Variants in ZRANB3 observed in about 807,000 individuals in gnomAD.
ZRANB3 encodes DNA annealing helicase and endonuclease ZRANB3.
Under a neutral mutation model 133.8 loss-of-function variants are expected in ZRANB3, and 125 were observed. The observed-to-expected ratio is 0.93, with a 90% confidence interval of 0.81 to 1.08. The LOEUF is 1.08. Ranked by LOEUF, ZRANB3 falls within the 50% of genes least tolerant of loss-of-function variation. The pLI, the probability that ZRANB3 is intolerant of heterozygous loss-of-function variation, is 0.00. For missense variants in ZRANB3, 1,229 were observed against 1,275.5 expected, an observed-to-expected ratio of 0.96 and a Z score of 0.56; for synonymous variants, 387 against 432.7, an observed-to-expected ratio of 0.89 and a Z score of 1.31.
chr2:135,461,793 TGA>T lies in ZRANB3; in HGVS notation c.161+42534_161+42535del, dbSNP rs531851265. Among the ~76,000 whole-genome samples, 45 of 152,326 alleles carry T rather than the reference TGA, an allele frequency of 3.0e-4. 1 individual carries two copies. Among genetic ancestry groups the T allele is most frequent in the African/African-American group, 1.1e-3 (45 of 41,570 alleles). On this transcript the variant is annotated intron_variant, in intron 2 of 20. Transcript: ENST00000264159. ...CAAATATAGGTTCTGCCACTTTGTC[TGA>T]GAAACCTTAAATTCATTGAATCTAG...
At chr2:135,291,153 C>T (rs548551721) in intron 8 of ZRANB3, among the ~76,000 whole-genome samples, 2 of 151,926 alleles carry the variant, frequency 1.3e-5, no homozygotes, top group South Asian at 2.1e-4. Context: ...TGAGCCACTG[C>T]GCCTGGCCCG....
intron 2 of ZRANB3, among the ~76,000 whole-genome samples, chr2:135,406,111 T>A (rs950043366): frequency 6.6e-6 from 1 of 151,924 alleles, no homozygotes; most frequent in Non-Finnish European, 1.5e-5. Flanking sequence ...AAGAATCAAA[T>A]AGACGCAATA....
intron 3 of ZRANB3, among the ~76,000 whole-genome samples, chr2:135,366,678 AAAAG>A (rs1351050742): frequency 2.6e-5 from 4 of 152,164 alleles, no homozygotes; most frequent in Non-Finnish European, 1.5e-5. Flanking sequence ...ACTACTAAGA[AAAAG>A]AAAGAGAAAA....
chr2:135,402,898 T>C (rs1490200476), intron 2 of ZRANB3, among the ~76,000 whole-genome samples: 3 of 152,112 alleles, frequency 2.0e-5, no homozygotes, highest in South Asian at 4.1e-4. Flanking sequence ...TCCATTCTTT[T>C]TCAATGTAAC....
rs201179629 is a variant in ZRANB3, at chr2:135,390,824, G to GA, written c.162-5dup. ...TACTTCATCAGCCACCATACACCTGGAAAAAAAAAAAAAAAAAAATTAATT... is the reference window on the plus strand; with the variant it reads ...TACTTCATCAGCCACCATACACCTGGAAAAAAAAAAAAAAAAAAAATTAATT... On this transcript the variant is annotated splice_region_variant and splice_polypyrimidine_tract_variant and intron_variant, in intron 2 of 20. Transcript: ENST00000264159. 0.087 allele frequency: 108,076 copies of GA among 1,244,256 alleles called. 6 individuals carry two copies. The highest frequency in any genetic ancestry group is 0.1 in the Non-Finnish European group (96,342 of 936,734). 77.1% of individuals were successfully genotyped at this position (1,244,256 alleles called of 1,614,324 possible).
intron 2 of ZRANB3, among the ~76,000 whole-genome samples, chr2:135,416,104 C>T (rs1407996524): frequency 2.0e-5 from 3 of 151,876 alleles, no homozygotes; most frequent in African/African-American, 7.3e-5. Flanking sequence ...GAAGTTCTGG[C>T]CAGGGCAATG....
intron 12 of ZRANB3, among the ~76,000 whole-genome samples, chr2:135,247,209 T>C (rs1325188098): frequency 6.6e-6 from 1 of 152,202 alleles, no homozygotes; most frequent in Non-Finnish European, 1.5e-5. Context: ...AGAGGATTGA[T>C]GATTGGAACT....
chr2:135,420,119 AT>A lies in ZRANB3; in HGVS notation c.162-29300del, dbSNP rs1558988215. Among the ~76,000 whole-genome samples the A allele has an allele frequency of 6.8e-3, 618 of 90,296 alleles. 6 individuals carry two copies. The highest frequency in any genetic ancestry group is 0.047 in the African/African-American group (592 of 12,572). The allele number at this position is 90,296 out of a possible 152,430, so 59.2% of individuals were successfully genotyped here. On this transcript the variant is annotated intron_variant, in intron 2 of 20. Coordinates refer to ENST00000264159, the MANE Select transcript of ZRANB3 (RefSeq NM_032143.4). Reference sequence around the variant, plus strand: ...TATATATATATATATATATATATATATATATAACTTATAGAGGATATTTCTA... The same window carrying A: ...TATATATATATATATATATATATATAATATAACTTATAGAGGATATTTCTA...
chr2:135,379,759 G>A (rs1417007271), intron 3 of ZRANB3, among the ~76,000 whole-genome samples: 1 of 152,034 alleles, frequency 6.6e-6, no homozygotes, highest in Non-Finnish European at 1.5e-5. Flanking sequence ...CAATTAACAG[G>A]CAAAACAACC....
Position 135,208,945 on chromosome 2 carries a change from T to C in ZRANB3, c.2529A>G (p.Ser843=), listed in dbSNP as rs763060159. ...CCCCAACATTCTTCACTTTGTCCAT[T>C]GAGGCTACGGCAACATCTTCTTTGG... ...YITKEDVAVA[S]MDKVKNVGGH... is the part of the protein sequence containing the mutation. Residue 843 remains serine, a synonymous_variant, in exon 18 of 21, where the codon TCA becomes TCG. Coordinates refer to ENST00000264159, the MANE Select transcript of ZRANB3 (RefSeq NM_032143.4). The C allele has an allele frequency of 3.7e-6, 6 of 1,614,002 alleles. No individual in the cohort carries two copies. The East Asian group carries it at 6.7e-5, about 18-fold the overall frequency.
At chr2:135,481,643 G>T (rs1185843675) in intron 2 of ZRANB3, among the ~76,000 whole-genome samples, 8 of 149,580 alleles carry the variant, frequency 5.3e-5, no homozygotes, top group African/African-American at 7.4e-5. Context: ...GTCAATTTTG[G>T]CTTTTGTTGC....
At chr2:135,220,625 G>C (rs1275307237) in intron 15 of ZRANB3, among the ~76,000 whole-genome samples, 1 of 148,778 alleles carries the variant, frequency 6.7e-6, no homozygotes, top group Non-Finnish European at 1.5e-5. Context: ...TTGAACCCGG[G>C]AGGCAGAGAT....
At chr2:135,343,831 T>G (rs1041332822) in intron 6 of ZRANB3, among the ~76,000 whole-genome samples, 3 of 150,164 alleles carry the variant, frequency 2.0e-5, no homozygotes, top group Admixed American at 1.3e-4. Context: ...CACAAGCTAC[T>G]ATCAGTTCAC....
At chr2:135,313,763 A>G (rs1051703797) in intron 7 of ZRANB3, among the ~76,000 whole-genome samples, 158 bp from the exon 8 acceptor site, 1 of 152,268 alleles carries the variant, frequency 6.6e-6, no homozygotes, top group Admixed American at 6.5e-5. Context: ...AAAAACATCA[A>G]TGCAGAGGTA....
intron 17 of ZRANB3, among the ~76,000 whole-genome samples, chr2:135,213,005 C>T (rs1168829438): frequency 2.0e-5 from 3 of 152,178 alleles, no homozygotes; most frequent in African/African-American, 7.2e-5. Flanking sequence ...AAGCTGACTG[C>T]AAGCTCTGAG....
At chr2:135,326,088 T>C (rs1243373799) in intron 6 of ZRANB3, among the ~76,000 whole-genome samples, 1 of 152,196 alleles carries the variant, frequency 6.6e-6, no homozygotes, top group Non-Finnish European at 1.5e-5. Context: ...ATTTGGGTAC[T>C]GATCTATACA....
intron 3 of ZRANB3, among the ~76,000 whole-genome samples, chr2:135,369,266 C>CT (rs201540668): frequency 0.015 from 2,266 of 151,986 alleles, 25 homozygotes; most frequent in Middle Eastern, 0.031. Flanking sequence ...CCTAAAAACT[C>CT]TGACTCTCTA....
chr2:135,455,589 CTTTTTTTTT>C (rs929421233), intron 2 of ZRANB3, among the ~76,000 whole-genome samples: 3 of 126,476 alleles, frequency 2.4e-5, no homozygotes, highest in Non-Finnish European at 3.4e-5. Flanking sequence ...TGATTTTTTT[CTTTTTTTTT>C]TTTTTTTTTT....
At chr2:135,314,336 G>A (rs1683151742) in intron 7 of ZRANB3, among the ~76,000 whole-genome samples, 1 of 152,114 alleles carries the variant, frequency 6.6e-6, no homozygotes, top group South Asian at 2.1e-4. Context: ...ATAATCATAT[G>A]TTGATTCCAT....
Sources: allele counts gnomAD v4.1 joint callset (sites outside exome capture counted in the v4.1 genomes callset), GRCh38; gene constraint gnomAD v4.1.1; transcripts MANE v1.5; gene names NCBI Gene and HGNC (gene_info 2026-07-23, HGNC 2026-07-21).